Variants in QRFPR observed in about 807,000 individuals in gnomAD.
QRFPR encodes pyroglutamylated RFamide peptide receptor, also known as pyroglutamylated RF-amide peptide receptor.
A neutral mutation model predicts 31.3 loss-of-function variants in QRFPR; 37 were observed. The observed-to-expected ratio is 1.18, with a 90% CI of 0.91 to 1.56. The LOEUF (loss-of-function observed/expected upper bound fraction) is 1.56. QRFPR is among the 40% of genes most tolerant of loss of function. The probability of loss-of-function intolerance (pLI) is 0.00; values close to 1 mark genes in which losing one functional copy is unlikely to be tolerated. For synonymous variants in QRFPR, 197 were observed against 192.0 expected, an observed-to-expected ratio of 1.03 and a Z score of -0.22; for missense variants, 542 against 532.5, an observed-to-expected ratio of 1.02 and a Z score of -0.18.
At chr4:121,351,066 G>T (rs892308060) in intron 1 of QRFPR, among the ~76,000 whole-genome samples, 4 of 152,140 alleles carry the variant, frequency 2.6e-5, no homozygotes, top group African/African-American at 9.7e-5. Flanking sequence ...TAACAAACCT[G>T]CACATCCTGC....
intron 3 of QRFPR, among the ~76,000 whole-genome samples, chr4:121,336,004 C>T (rs1351802331): frequency 6.6e-6 from 1 of 152,128 alleles, no homozygotes; most frequent in African/African-American, 2.4e-5. Context: ...AATCAGGTTA[C>T]TTTTTTAATG....
Position 121,369,741 on chromosome 4 carries a change from G to A in QRFPR, c.340+10567C>T, listed in dbSNP as rs1021418346. On this transcript the variant is annotated intron_variant, in intron 1 of 5. Transcript: ENST00000394427. ...CCAGAGTCCATGGTGCTAGGATTTGGGCCAGGTAAGGCTGTGGAAGAACCA... is the reference window on the plus strand; with the variant it reads ...CCAGAGTCCATGGTGCTAGGATTTGAGCCAGGTAAGGCTGTGGAAGAACCA... The A allele has an allele frequency of 5.6e-6, 9 of 1,602,136 alleles. No homozygotes were observed. The African/African-American group carries it at 1.1e-4, about 19-fold the overall frequency.
At chr4:121,335,703 G>C (rs1486131248) in intron 3 of QRFPR, among the ~76,000 whole-genome samples, 1 of 151,970 alleles carries the variant, frequency 6.6e-6, no homozygotes, top group African/African-American at 2.4e-5. Flanking sequence ...CACACTGAGG[G>C]AAGGGAAAAA....
rs1479255373 is a variant in QRFPR, at chr4:121,365,607, A to T, written c.340+14701T>A. The stretch of plus-strand genomic sequence containing the variant: ...TATATATATTATATATATATAATAT[A>T]TATATTATATATATTATATATTATA... On this transcript the variant is annotated intron_variant, in intron 1 of 5. Coordinates refer to ENST00000394427, the MANE Select transcript of QRFPR (RefSeq NM_198179.3). 8.3e-4 allele frequency among the ~76,000 whole-genome samples: 4 copies of T among 4,810 alleles called. 1 individual carries two copies. The highest frequency in any genetic ancestry group is 4.3e-4 in the Non-Finnish European group (1 of 2,340). 3.2% of individuals were successfully genotyped at this position (4,810 alleles called of 152,430 possible).
chr4:121,329,627 T>C lies in QRFPR; in HGVS notation c.983A>G (p.Asn328Ser), dbSNP rs1725284633. The C allele has an allele frequency of 6.2e-7, 1 of 1,608,756 alleles. No homozygotes were observed. Reference sequence around the variant, plus strand: ...ATTCATAAATGCATAGACAATGGGATTACAGATGGAGTTGGAAAATCCAAT... The same window carrying C: ...ATTCATAAATGCATAGACAATGGGACTACAGATGGAGTTGGAAAATCCAAT... ...QIIGFSNSIC[N>S]PIVYAFMNEN... The change falls in exon 6 of 6, where the codon AAT (asparagine) becomes AGT (serine). Residue 328 changes from asparagine to serine, a missense_variant. Physicochemically the swap from Asn to Ser is conservative, Grantham distance 46 (BLOSUM62 1). Transcript: ENST00000394427.
intron 1 of QRFPR, among the ~76,000 whole-genome samples, chr4:121,364,433 G>A (rs1336583522): frequency 6.7e-6 from 1 of 149,666 alleles, no homozygotes. Context: ...TCAGGAGATC[G>A]AGACTATCTT....
chr4:121,369,109 AC>A (rs2110483317), intron 1 of QRFPR, among the ~76,000 whole-genome samples: 1 of 150,334 alleles, frequency 6.7e-6, no homozygotes, highest in South Asian at 2.1e-4. Flanking sequence ...GCTCACTGCA[AC>A]CTCTGCCTCT....
rs1039571813 is a variant in QRFPR at position 121,330,498 on chromosome 4, T to C, written c.823A>G (p.Met275Val). 1.2e-6 allele frequency: 2 copies of C among 1,613,850 alleles called. No homozygotes were observed. Among genetic ancestry groups the C allele is most frequent in the African/African-American group, 2.7e-5 (2 of 74,914 alleles). The change falls in exon 5 of 6, where the codon ATG (methionine) becomes GTG (valine). Residue 275 changes from methionine (M) to valine (V), a missense_variant. Coordinates refer to ENST00000394427, the MANE Select transcript of QRFPR (RefSeq NM_198179.3). Reference sequence around the variant, plus strand: ...GCAAAGAGAGCCACCACTGTCACCATCATAATGACAGCTCGTTTCTTCTTC... The same window carrying C: ...GCAAAGAGAGCCACCACTGTCACCACCATAATGACAGCTCGTTTCTTCTTC... ...ARKKKRAVIM[M>V]VTVVALFAVC...
intron 3 of QRFPR, among the ~76,000 whole-genome samples, chr4:121,333,882 G>T (rs1725384154): frequency 1.3e-5 from 2 of 152,014 alleles, no homozygotes; most frequent in African/African-American, 4.8e-5. Flanking sequence ...TGAATACTTG[G>T]GTCTCAGACA....
chr4:121,372,824 G>A (rs35097879), intron 1 of QRFPR, among the ~76,000 whole-genome samples: 1 of 151,954 alleles, frequency 6.6e-6, no homozygotes, highest in African/African-American at 2.4e-5. Flanking sequence ...ATATCCATTT[G>A]TCCATCGATG....
intron 1 of QRFPR, among the ~76,000 whole-genome samples, chr4:121,347,415 G>A (rs892060226): frequency 1.3e-5 from 2 of 151,806 alleles, no homozygotes; most frequent in Non-Finnish European, 2.9e-5. Flanking sequence ...TACCTTCTTG[G>A]GTAGATGGGC....
At position 121,340,403 on chromosome 4, in the gene QRFPR, T is replaced by C; in HGVS notation, c.499+49A>G. ...TTTAAAAATATGGTTCTCTATTCTG[T>C]AATGAAGAATGTCATTCACACTGCC... On this transcript the variant is annotated intron_variant, in intron 2 of 5. Transcript: ENST00000394427. 2.5e-6 allele frequency: 4 copies of C among 1,593,334 alleles called. No homozygotes were observed. The East Asian group carries it at 6.7e-5, about 27-fold the overall frequency.
At chr4:121,372,934 C>T (rs1053513508) in intron 1 of QRFPR, among the ~76,000 whole-genome samples, 1 of 152,132 alleles carries the variant, frequency 6.6e-6, no homozygotes, top group Non-Finnish European at 1.5e-5. Flanking sequence ...AGAATGAAAC[C>T]ACAACACAGA....
At chr4:121,379,289 G>C (rs1202246667) in intron 1 of QRFPR, among the ~76,000 whole-genome samples, 1 of 152,174 alleles carries the variant, frequency 6.6e-6, no homozygotes, top group African/African-American at 2.4e-5. Flanking sequence ...ATCTCAAATT[G>C]GTAATGGTAG....
intron 1 of QRFPR, among the ~76,000 whole-genome samples, chr4:121,379,989 C>G (rs543357715): frequency 6.6e-6 from 1 of 152,006 alleles, no homozygotes; most frequent in South Asian, 2.1e-4. Context: ...CCTCACTGCT[C>G]GGGACCTTTC....
At chr4:121,329,745 T>C (rs1171599171) in intron 5 of QRFPR, 31 bp from the exon 6 acceptor site, 6 of 1,387,968 alleles carry the variant, frequency 4.3e-6, no homozygotes, top group Non-Finnish European at 5.8e-6. Flanking sequence ...AGAATGTACG[T>C]TTATTTTAAG....
intron 1 of QRFPR, among the ~76,000 whole-genome samples, chr4:121,357,617 G>A (rs1163751655): frequency 1.3e-5 from 2 of 152,156 alleles, no homozygotes; most frequent in Non-Finnish European, 2.9e-5. Flanking sequence ...ACTGGTTCTT[G>A]ACTTAGCTAT....
chr4:121,340,673 T>A, intron 1 of QRFPR, 63 bp from the exon 2 acceptor site: 1 of 1,489,602 alleles, frequency 6.7e-7, no homozygotes, highest in Admixed American at 1.9e-5. Context: ...TTCATCTGTG[T>A]CTTTGTAATT....
At chr4:121,357,026 C>T (rs1013990642) in intron 1 of QRFPR, among the ~76,000 whole-genome samples, 23 of 152,128 alleles carry the variant, frequency 1.5e-4, no homozygotes, top group African/African-American at 5.6e-4. Context: ...TAAAGAGTTA[C>T]TCTATACTAA....
Sources: allele counts gnomAD v4.1 joint callset (sites outside exome capture counted in the v4.1 genomes callset), GRCh38; gene constraint gnomAD v4.1.1; transcripts MANE v1.5; gene names NCBI Gene and HGNC (gene_info 2026-07-23, HGNC 2026-07-21).